The following PSMD9 variants were observed in gnomAD, a reference collection of about 807,000 sequenced individuals.
The protein encoded by PSMD9 is proteasome 26S subunit, non-ATPase 9, also known as 26S proteasome non-ATPase regulatory subunit 9.
Under a neutral mutation model 25.9 loss-of-function variants are expected in PSMD9, and 26 were observed. The observed-to-expected ratio is 1.00, with a 90% CI of 0.73 to 1.39. The LOEUF (loss-of-function observed/expected upper bound fraction) is 1.39, where lower values mean the gene tolerates loss of function less well. PSMD9 is among the 40% of genes most tolerant of loss of function. The probability of loss-of-function intolerance (pLI) is 0.00; values close to 1 mark genes in which losing one functional copy is unlikely to be tolerated. For missense variants in PSMD9, 303 were observed against 299.3 expected, an observed-to-expected ratio of 1.01 and a Z score of -0.09; for synonymous variants, 110 against 114.5, an observed-to-expected ratio of 0.96 and a Z score of 0.25.
chr12:121,909,778 A>G (rs898227335), intron 4 of PSMD9, among the ~76,000 whole-genome samples: 2 of 152,136 alleles, frequency 1.3e-5, no homozygotes, highest in Non-Finnish European at 2.9e-5. Flanking sequence ...ACCATCTTTT[A>G]CTTAGCCAGC....
intron 5 of PSMD9, 81 bp from the exon 6 acceptor site, chr12:121,916,203 A>G: frequency 6.5e-7 from 1 of 1,543,240 alleles, no homozygotes; most frequent in Non-Finnish European, 9.0e-7. Context: ...AACATTGGTG[A>G]AAAGGTCAGA....
rs922006315 is a variant in PSMD9 at position 121,916,351 on chromosome 12, G to A, written c.*40G>A. On this transcript the variant is annotated 3_prime_UTR_variant, in exon 6 of 6. Transcript: ENST00000541212. ...CAGTAACAGGAAAGCATCTTCCCTT[G>A]CCCTGGACTTGGGTCTAGGGATTTC... is the stretch of plus-strand genomic sequence containing the variant. 1.2e-6 allele frequency: 2 copies of A among 1,607,986 alleles called. No individual in the cohort carries two copies. The highest frequency in any genetic ancestry group is 3.3e-5 in the Admixed American group (2 of 60,000).
intron 4 of PSMD9, among the ~76,000 whole-genome samples, chr12:121,912,868 C>CAAAAAAAAAAAA (rs35325016): frequency 1.2e-5 from 1 of 85,786 alleles, no homozygotes. Flanking sequence ...AACCCTGTCT[C>CAAAAAAAAAAAA]AAAAAAAAAA....
intron 2 of PSMD9, among the ~76,000 whole-genome samples, chr12:121,896,836 CAAAA>C (rs755152569): frequency 3.0e-4 from 17 of 57,506 alleles, no homozygotes; most frequent in African/African-American, 6.3e-4. Flanking sequence ...AACTCTGTCT[CAAAA>C]AAAAAAAAAA....
At chr12:121,900,299 G>A (rs978458567) in intron 3 of PSMD9, among the ~76,000 whole-genome samples, 1 of 152,168 alleles carries the variant, frequency 6.6e-6, no homozygotes, top group African/African-American at 2.4e-5. Flanking sequence ...AGCTGAGATG[G>A]GAGGATCACT....
At chr12:121,911,793 C>G (rs981590804) in intron 4 of PSMD9, among the ~76,000 whole-genome samples, 1 of 151,338 alleles carries the variant, frequency 6.6e-6, no homozygotes, top group African/African-American at 2.4e-5. Flanking sequence ...GCTGGGATTA[C>G]AGGCACCCAC....
rs766842397 is a variant in PSMD9, at chr12:121,916,291, A to G, written c.652A>G (p.Ile218Val). 30 of 1,614,044 alleles carry G rather than the reference A, an allele frequency of 1.9e-5. No individual in the cohort carries two copies. The highest frequency in any genetic ancestry group is 2.4e-5 in the Non-Finnish European group (28 of 1,180,016). Residue 218 changes from isoleucine (I) to valine (V), a missense_variant, in exon 6 of 6, where the codon ATT becomes GTT. Coordinates refer to ENST00000541212, the MANE Select transcript of PSMD9 (RefSeq NM_002813.7). The stretch of plus-strand genomic sequence containing the variant: ...TTTTCTTCTTTCTTCCAGCTGCAAC[A>G]TTATTCCTCTGCAAAGATGATTGTC... Reference protein sequence around the residue: ...WAGKGLLGCNIIPLQR With the variant: ...WAGKGLLGCNVIPLQR
Position 121,888,967 on chromosome 12 carries a change from C to T in PSMD9, c.111C>T (p.Ile37=). The T allele has an allele frequency of 6.3e-7, 1 of 1,590,488 alleles. No individual in the cohort carries two copies. The highest frequency in any genetic ancestry group is 8.6e-7 in the Non-Finnish European group (1 of 1,169,026). ...GCAAGGAGGAGATAGAAGCGCAGAT[C>T]AAGGCCAACTATGACGTGCTGGAAA... ...MRRKEEIEAQ[I]KANYDVLESQ... is the part of the protein sequence containing the mutation. The change falls in exon 1 of 6, where the codon ATC becomes ATT. Residue 37 remains isoleucine, a synonymous_variant. Transcript: ENST00000541212.
chr12:121,907,184 C>G (rs1477234468), intron 4 of PSMD9, among the ~76,000 whole-genome samples: 1 of 149,922 alleles, frequency 6.7e-6, no homozygotes, highest in Non-Finnish European at 1.5e-5. Flanking sequence ...ATTCTCCTGC[C>G]TCAGCCTCCC....
chr12:121,895,284 C>T (rs545421735), intron 2 of PSMD9, among the ~76,000 whole-genome samples: 1 of 152,264 alleles, frequency 6.6e-6, no homozygotes, highest in South Asian at 2.1e-4. Context: ...AAGTGGTCCT[C>T]CTGCCTTGGC....
intron 2 of PSMD9, chr12:121,897,524 G>A (rs1402605895): frequency 6.6e-6 from 1 of 151,956 alleles, no homozygotes; most frequent in Non-Finnish European, 1.5e-5. Flanking sequence ...CGCCCGCCTC[G>A]GCCTCGACAG....
chr12:121,890,907 T>C (rs896524354), intron 1 of PSMD9, among the ~76,000 whole-genome samples: 2 of 152,026 alleles, frequency 1.3e-5, no homozygotes, highest in Non-Finnish European at 2.9e-5. Context: ...TGCTGTTGCT[T>C]GCTGAAAGCT....
intron 1 of PSMD9, among the ~76,000 whole-genome samples, chr12:121,891,552 A>C (rs1879077798): frequency 6.6e-6 from 1 of 150,746 alleles, no homozygotes; most frequent in Non-Finnish European, 1.5e-5. Flanking sequence ...GTGAGCCAAG[A>C]TTGCGCCACT....
At chr12:121,893,125 T>C (rs1244436653) in intron 1 of PSMD9, among the ~76,000 whole-genome samples, 1 of 152,210 alleles carries the variant, frequency 6.6e-6, no homozygotes, top group Non-Finnish European at 1.5e-5. Flanking sequence ...GCTAGTGTTA[T>C]GGATCCCATC....
In PSMD9 at chr12:121,891,118, G is replaced by A. The variant is rs534582664; in HGVS notation, c.138+2124G>A. 2.1e-3 allele frequency among the ~76,000 whole-genome samples: 302 copies of A among 144,010 alleles called. 1 individual carries two copies. The highest frequency in any genetic ancestry group is 0.018 in the Middle Eastern group (5 of 284). The allele number at this position is 144,010 out of a possible 152,430, so 94.5% of individuals were successfully genotyped here. A position where few individuals can be genotyped will look rare whatever the true frequency, so the allele number is the denominator to read the frequency against. ...TGGGATTACAGGCTTGAGCCACCGC[G>A]CCAGGCCTACAAAAAATTTTTTTAA... is the stretch of plus-strand genomic sequence containing the variant. On this transcript the variant is annotated intron_variant, in intron 1 of 5. Coordinates refer to ENST00000541212, the MANE Select transcript of PSMD9 (RefSeq NM_002813.7).
Position 121,913,736 on chromosome 12 carries a change from C to T in PSMD9, c.556-2120C>T, listed in dbSNP as rs1435587035. 2.6e-5 allele frequency among the ~76,000 whole-genome samples: 4 copies of T among 151,698 alleles called. No homozygotes were observed. The East Asian group carries it at 7.8e-4, about 30-fold the overall frequency. On this transcript the variant is annotated intron_variant, in intron 4 of 5. Coordinates refer to ENST00000541212, the MANE Select transcript of PSMD9 (RefSeq NM_002813.7). ...CTGGTCTTGAACTTTTGAGCTGAGGCAGTCCTCCTGCCTGGGCCTCTGAAT... is the reference window on the plus strand; with the variant it reads ...CTGGTCTTGAACTTTTGAGCTGAGGTAGTCCTCCTGCCTGGGCCTCTGAAT...
intron 2 of PSMD9, 110 bp from the exon 3 acceptor site, chr12:121,899,524 C>T (rs944805046): frequency 3.9e-6 from 4 of 1,034,374 alleles, no homozygotes; most frequent in African/African-American, 3.2e-5. Context: ...TCACCTCTAG[C>T]TCCACATCTG....
chr12:121,899,872 C>CCATG, intron 3 of PSMD9, 27 bp downstream of exon 3: 1 of 1,613,232 alleles, frequency 6.2e-7, no homozygotes, highest in South Asian at 1.1e-5. Flanking sequence ...CCACTCAAGT[C>CCATG]CATGCCCAGG....
At chr12:121,899,331 C>G (rs538675391) in intron 2 of PSMD9, 3 of 374,242 alleles carry the variant, frequency 8.0e-6, no homozygotes, top group African/African-American at 4.1e-5. Context: ...AGGGCTCACC[C>G]GAGACAGCAC....
Sources: gnomAD v4.1 joint callset for allele counts (sites outside exome capture counted in the v4.1 genomes callset) on GRCh38, gnomAD v4.1.1 for gene constraint, MANE v1.5 for transcripts, NCBI Gene and HGNC (gene_info 2026-07-23, HGNC 2026-07-21) for gene names.